RBMS1: variants seen among roughly 807,000 people sequenced by gnomAD.
RBMS1 encodes the protein RNA-binding motif, single-stranded-interacting protein 1.
RBMS1 carries 17 observed loss-of-function variants against 62.3 expected under a neutral mutation model. The observed-to-expected ratio is 0.27, with a 90% CI of 0.19 to 0.41. RBMS1 has a LOEUF of 0.41. RBMS1 is among the 10% of genes least tolerant of loss of function. The probability of loss-of-function intolerance (pLI) is 1.00; values close to 1 mark genes in which losing one functional copy is unlikely to be tolerated. For missense variants in RBMS1, 334 were observed against 504.5 expected, an observed-to-expected ratio of 0.66 and a Z score of 3.24; for synonymous variants, 172 against 170.0, an observed-to-expected ratio of 1.01 and a Z score of -0.09.
At chr2:160,426,613 T>C (rs1178614162) in intron 1 of RBMS1, among the ~76,000 whole-genome samples, 2 of 152,198 alleles carry the variant, frequency 1.3e-5, no homozygotes, top group Non-Finnish European at 2.9e-5. Context: ...TTAAAGTAGG[T>C]TTTAGAGATT....
At chr2:160,297,981 T>C (rs952432759) in intron 6 of RBMS1, among the ~76,000 whole-genome samples, 1 of 152,150 alleles carries the variant, frequency 6.6e-6, no homozygotes, top group Non-Finnish European at 1.5e-5. Context: ...CACATAGGTA[T>C]ATATTTTATC....
chr2:160,456,777 C>T (rs1404567848), intron 1 of RBMS1, among the ~76,000 whole-genome samples: 1 of 152,208 alleles, frequency 6.6e-6, no homozygotes, highest in African/African-American at 2.4e-5. Flanking sequence ...GTGACCTCCC[C>T]TTCTTCCAAT....
At chr2:160,483,079 T>TAA (rs367600184) in intron 1 of RBMS1, among the ~76,000 whole-genome samples, 3,832 of 141,052 alleles carry the variant, frequency 0.027, 63 homozygotes, top group Middle Eastern at 0.052. Context: ...TAATCTCTCT[T>TAA]AAAAAAAAAA....
intron 4 of RBMS1, among the ~76,000 whole-genome samples, chr2:160,307,298 C>T (rs1689585730): frequency 1.4e-5 from 2 of 142,426 alleles, no homozygotes; most frequent in South Asian, 4.5e-4. Context: ...CTGCTCAGAG[C>T]ATGGTGAAGC....
chr2:160,352,104 C>T (rs28411176), intron 2 of RBMS1, among the ~76,000 whole-genome samples: 3,605 of 152,170 alleles, frequency 0.024, 131 homozygotes, highest in African/African-American at 0.079. Flanking sequence ...TAGTAGTGAA[C>T]ATAGGGAAAT....
At position 160,318,247 on chromosome 2, in the gene RBMS1, A is replaced by AGG; in HGVS notation, c.252-21_252-20insCC. The AGG allele has an allele frequency of 6.6e-7, 1 of 1,516,866 alleles. No homozygotes were observed. Among genetic ancestry groups the AGG allele is most frequent in the Non-Finnish European group, 8.7e-7 (1 of 1,143,678 alleles). 94.0% of individuals were successfully genotyped at this position (1,516,866 alleles called of 1,614,324 possible). A position where few individuals can be genotyped will look rare whatever the true frequency, so the allele number is the denominator to read the frequency against. On this transcript the variant is annotated intron_variant, in intron 2 of 13. Coordinates refer to ENST00000348849, the MANE Select transcript of RBMS1 (RefSeq NM_016836.4). ...CCATATCTAAAAAAAAAAAAAAAAA[A>AGG]AAAAAGGAAAAAAAGAAAAGAAAGA...
intron 8 of RBMS1, 60 bp from the exon 9 acceptor site, chr2:160,284,928 A>C (rs1389777401): frequency 1.9e-6 from 3 of 1,572,346 alleles, no homozygotes; most frequent in African/African-American, 1.4e-5. Flanking sequence ...TTCATGGAAC[A>C]AATGTCTGAT....
chr2:160,464,329 AAG>A (rs1380985970), intron 1 of RBMS1, among the ~76,000 whole-genome samples: 2 of 152,260 alleles, frequency 1.3e-5, no homozygotes, highest in Non-Finnish European at 2.9e-5. Context: ...TGAATAAAAT[AAG>A]ACATTTCTCA....
intron 1 of RBMS1, among the ~76,000 whole-genome samples, chr2:160,470,983 A>C (rs1025221754): frequency 6.6e-6 from 1 of 152,230 alleles, no homozygotes; most frequent in South Asian, 2.1e-4. Flanking sequence ...ATCTGCATAT[A>C]GCACCCTACC....
chr2:160,328,842 G>A (rs2105981015), intron 2 of RBMS1, among the ~76,000 whole-genome samples: 1 of 152,268 alleles, frequency 6.6e-6, no homozygotes, highest in African/African-American at 2.4e-5. Flanking sequence ...AGATAACTGT[G>A]TCAGAATCTG....
chr2:160,339,499 A>G (rs1691751278), intron 2 of RBMS1, among the ~76,000 whole-genome samples: 1 of 152,158 alleles, frequency 6.6e-6, no homozygotes, highest in South Asian at 2.1e-4. Flanking sequence ...TGGTGATCTA[A>G]AAGTTCTGGG....
At chr2:160,427,956 T>C (rs929183058) in intron 1 of RBMS1, among the ~76,000 whole-genome samples, 1 of 152,176 alleles carries the variant, frequency 6.6e-6, no homozygotes, top group Non-Finnish European at 1.5e-5. Flanking sequence ...TCACTTTCAT[T>C]ATTTCAAATC....
chr2:160,404,432 G>A (rs1695590186), intron 1 of RBMS1, among the ~76,000 whole-genome samples: 1 of 151,870 alleles, frequency 6.6e-6, no homozygotes, highest in Non-Finnish European at 1.5e-5. Flanking sequence ...CGCCTACTGT[G>A]GATTAAAAAT....
chr2:160,431,671 A>C (rs11687163), intron 1 of RBMS1, among the ~76,000 whole-genome samples: 32,386 of 151,954 alleles, frequency 0.21, 4,066 homozygotes, highest in Admixed American at 0.37. Flanking sequence ...AGAACCAGGT[A>C]ATCTGGACTT....
At chr2:160,408,037 C>G (rs1454157138) in intron 1 of RBMS1, 14 of 625,190 alleles carry the variant, frequency 2.2e-5, no homozygotes, top group Non-Finnish European at 2.8e-5. Context: ...CCCGCGCTCT[C>G]CCTCCCGGGA....
intron 1 of RBMS1, among the ~76,000 whole-genome samples, chr2:160,390,546 A>T (rs1299585783): frequency 6.6e-6 from 1 of 152,096 alleles, no homozygotes; most frequent in Non-Finnish European, 1.5e-5. Flanking sequence ...TTTTTTTTTA[A>T]TTAGCCGAGT....
intron 2 of RBMS1, among the ~76,000 whole-genome samples, chr2:160,343,730 G>T (rs1692019226): frequency 6.6e-6 from 1 of 152,256 alleles, no homozygotes; most frequent in South Asian, 2.1e-4. Flanking sequence ...GCCATTAGGA[G>T]AATAATTAGA....
At chr2:160,286,139 A>C (rs980466691) in intron 7 of RBMS1, among the ~76,000 whole-genome samples, 6 of 151,426 alleles carry the variant, frequency 4.0e-5, no homozygotes, top group African/African-American at 1.5e-4. Flanking sequence ...AAAAAATAAA[A>C]ATTTTTAAAA....
At chr2:160,430,951 C>T (rs74874335) in intron 1 of RBMS1, among the ~76,000 whole-genome samples, 12,534 of 151,128 alleles carry the variant, frequency 0.083, 740 homozygotes, top group East Asian at 0.24. Context: ...GTTCCCCATC[C>T]CCCTTTCCCT....
Sources: gnomAD v4.1 joint callset for allele counts (sites outside exome capture counted in the v4.1 genomes callset) on GRCh38, gnomAD v4.1.1 for gene constraint, MANE v1.5 for transcripts, NCBI Gene and HGNC (gene_info 2026-07-23, HGNC 2026-07-21) for gene names.